The following MDN1 variants were observed in gnomAD, a reference collection of about 807,000 sequenced individuals.
MDN1 encodes midasin AAA ATPase 1, also known as midasin.
A neutral mutation model predicts 669.2 loss-of-function variants in MDN1; 266 were observed. The ratio of observed to expected loss-of-function variants is 0.40; its 90% CI spans 0.36 to 0.44. MDN1 has a LOEUF of 0.44. Among genes scored for constraint, MDN1 ranks in the 20% least tolerant of loss-of-function variants. The probability of loss-of-function intolerance (pLI) is 1.00; values close to 1 mark genes in which losing one functional copy is unlikely to be tolerated. For missense variants in MDN1, 5,940 were observed against 6,754.0 expected, an observed-to-expected ratio of 0.88 and a Z score of 4.22; for synonymous variants, 2,385 against 2,457.1, an observed-to-expected ratio of 0.97 and a Z score of 0.87.
intron 58 of MDN1, 95 bp from the exon 59 acceptor site, chr6:89,699,130 A>G (rs1216836249): frequency 4.2e-6 from 5 of 1,179,616 alleles, no homozygotes; most frequent in Non-Finnish European, 5.8e-6. Context: ...TAAAACTGTC[A>G]TAAGTTTAAA....
intron 21 of MDN1, among the ~76,000 whole-genome samples, chr6:89,753,857 T>C (rs1004493308): frequency 6.6e-6 from 1 of 151,514 alleles, no homozygotes; most frequent in South Asian, 2.1e-4. Flanking sequence ...GAGACCAGAG[T>C]GGGAACACAG....
At chr6:89,796,926 G>C (rs1203418351) in intron 2 of MDN1, among the ~76,000 whole-genome samples, 1 of 152,022 alleles carries the variant, frequency 6.6e-6, no homozygotes. Context: ...AAATTAGCCA[G>C]GCGTGGTTAT....
At chr6:89,674,771 C>T (rs1353280773) in intron 78 of MDN1, among the ~76,000 whole-genome samples, 182 bp from the exon 79 acceptor site, 1 of 152,174 alleles carries the variant, frequency 6.6e-6, no homozygotes, top group Non-Finnish European at 1.5e-5. Flanking sequence ...TTAAACCCAT[C>T]CCTCAGTCTT....
At chr6:89,724,930 A>G (rs926599936) in intron 38 of MDN1, among the ~76,000 whole-genome samples, 1 of 152,212 alleles carries the variant, frequency 6.6e-6, no homozygotes, top group Non-Finnish European at 1.5e-5. Context: ...ATTGGACTTC[A>G]TCCCAGAGTG....
chr6:89,644,309 A>G (rs1808338358), intron 101 of MDN1, 116 bp from the exon 102 acceptor site: 2 of 786,790 alleles, frequency 2.5e-6, no homozygotes, highest in Non-Finnish European at 3.9e-6. Context: ...ATTCCTGCAT[A>G]TGAACCTACC....
intron 1 of MDN1, among the ~76,000 whole-genome samples, chr6:89,814,140 C>G (rs1768647278): frequency 6.6e-6 from 1 of 152,094 alleles, no homozygotes; most frequent in Non-Finnish European, 1.5e-5. Flanking sequence ...GTGAATCCTT[C>G]TCCATTCAGT....
rs370483292 is a variant in MDN1 at position 89,819,540 on chromosome 6, C to T, written c.68G>A (p.Ser23Asn). The change falls in exon 1 of 102, where the codon AGC (serine) becomes AAC (asparagine). Residue 23 changes from serine (S) to asparagine (N), a missense_variant. Ser to Asn is a conservative substitution (Grantham distance 46). Transcript: ENST00000369393. ...LRLIAAKNEK[S>N]RSELGRFLAK... Reference sequence around the variant, plus strand: ...CAAGAACCTGCCCAACTCACTGCGGCTCTTCTCGTTCTTGGCTGCGATTAA... The same window carrying T: ...CAAGAACCTGCCCAACTCACTGCGGTTCTTCTCGTTCTTGGCTGCGATTAA... The T allele has an allele frequency of 1.1e-5, 17 of 1,605,672 alleles. No individual in the cohort carries two copies. Among genetic ancestry groups the T allele is most frequent in the Admixed American group, 8.3e-5 (5 of 60,004 alleles).
chr6:89,819,778 C>T lies in MDN1; in HGVS notation c.-171G>A, dbSNP rs1769140189. ...GGGGCACCACACGTGGGTGAGCACA[C>T]GGCGTTTGACGTCATCAGCTCGGGA... is the stretch of plus-strand genomic sequence containing the variant. On this transcript the variant is annotated 5_prime_UTR_variant, in exon 1 of 102. In the 5' UTR this introduces an upstream ATG that the reference lacks. Transcript: ENST00000369393. The T allele has an allele frequency of 3.3e-6, 2 of 598,840 alleles. No homozygotes were observed. The highest frequency in any genetic ancestry group is 5.8e-5 in the Admixed American group (2 of 34,290). The allele number at this position is 598,840 out of a possible 1,614,324, so 37.1% of individuals were successfully genotyped here. A position where few individuals can be genotyped will look rare whatever the true frequency, so the allele number is the denominator to read the frequency against.
At chr6:89,815,048 T>G in intron 1 of MDN1, 1 of 496,726 alleles carries the variant, frequency 2.0e-6, no homozygotes, top group Non-Finnish European at 3.8e-6. Context: ...AAGAAAGGGG[T>G]ACAAAAGGGA....
At chr6:89,724,043 T>A (rs529998446) in intron 38 of MDN1, among the ~76,000 whole-genome samples, 46 of 151,946 alleles carry the variant, frequency 3.0e-4, no homozygotes, top group Non-Finnish European at 4.6e-4. Context: ...CTCAGGAGGC[T>A]GAGGCAGGAG....
intron 9 of MDN1, among the ~76,000 whole-genome samples, chr6:89,784,410 T>C (rs1212601246): frequency 6.6e-6 from 1 of 152,214 alleles, no homozygotes; most frequent in Non-Finnish European, 1.5e-5. Flanking sequence ...AAAGCATCTC[T>C]TCCATGTCTG....
Position 89,743,631 on chromosome 6 carries a change from T to G in MDN1, c.4262A>C (p.Glu1421Ala), listed in dbSNP as rs766551857. 1.1e-5 allele frequency: 18 copies of G among 1,614,148 alleles called. No homozygotes were observed. Among genetic ancestry groups the G allele is most frequent in the Non-Finnish European group, 1.5e-5 (18 of 1,179,972 alleles). The change falls in exon 30 of 102, where the codon GAG becomes GCG. Residue 1421 changes from glutamate (E) to alanine (A), a missense_variant. Physicochemically the swap from Glu to Ala is moderately radical, Grantham distance 107. Around this residue, in one of 5 missense-constraint regions of MDN1, gnomAD observed 2,292 missense variants for 2,638.3 expected, o/e 0.87. Coordinates refer to ENST00000369393, the MANE Select transcript of MDN1 (RefSeq NM_014611.3). ...CAGGCCACCCAGGAAGTCTGATGTCTCCATGTGTAAGTGGCAGCTGACAGA... is the reference window on the plus strand; with the variant it reads ...CAGGCCACCCAGGAAGTCTGATGTCGCCATGTGTAAGTGGCAGCTGACAGA... ...LYSVSCHLHMETSDFLGGLRP... is the reference protein window; with the variant it reads ...LYSVSCHLHMATSDFLGGLRP...
Position 89,743,725 on chromosome 6 carries a change from T to C in MDN1, c.4179-11A>G, listed in dbSNP as rs1816418707. On this transcript the variant is annotated splice_polypyrimidine_tract_variant and intron_variant, in intron 29 of 101. Transcript: ENST00000369393. ...GTAGTTTTCCCACACCTGTTAGAGA[T>C]GTGCAACTGATTAACAAGGCATGTG... 2 of 1,611,740 alleles carry C rather than the reference T, an allele frequency of 1.2e-6. No homozygotes were observed. The highest frequency in any genetic ancestry group is 1.3e-5 in the African/African-American group (1 of 74,770).
At chr6:89,669,531 T>C (rs1810487644) in intron 83 of MDN1, among the ~76,000 whole-genome samples, 1 of 152,292 alleles carries the variant, frequency 6.6e-6, no homozygotes, top group South Asian at 2.1e-4. Flanking sequence ...CTTAATTGTT[T>C]ATAAGAAATC....
chr6:89,701,930 G>A lies in MDN1; in HGVS notation c.8280C>T (p.Pro2760=), dbSNP rs1813187798. ...WVLKHLVHQI[P]RLLMNYEDKY... is the part of the protein sequence containing the mutation. ...TGTCTTCATAATTCATCAGAAGTCGGGGGATCTGGTGGACCAGATGTTTTA... is the reference window on the plus strand; with the variant it reads ...TGTCTTCATAATTCATCAGAAGTCGAGGGATCTGGTGGACCAGATGTTTTA... The change falls in exon 54 of 102, where the codon CCC becomes CCT. Residue 2760 remains proline (P), a synonymous_variant. Transcript: ENST00000369393. The A allele has an allele frequency of 1.9e-6, 3 of 1,613,162 alleles. No individual in the cohort carries two copies. Among genetic ancestry groups the A allele is most frequent in the African/African-American group, 1.3e-5 (1 of 74,812 alleles).
chr6:89,652,082 G>A, intron 95 of MDN1, 110 bp downstream of exon 95: 1 of 774,120 alleles, frequency 1.3e-6, no homozygotes, highest in East Asian at 2.5e-5. Context: ...CCATATGCCT[G>A]GTCCTTTTTG....
intron 18 of MDN1, 69 bp from the exon 19 acceptor site, chr6:89,758,420 G>A: frequency 7.6e-7 from 1 of 1,320,772 alleles, no homozygotes; most frequent in South Asian, 1.3e-5. Flanking sequence ...CCCAGGCCCA[G>A]CCAGCCTGAT....
rs11407843 is a variant in MDN1 at position 89,750,916 on chromosome 6, G to GTT, written c.3228-386_3228-385dup. Among the ~76,000 whole-genome samples, 680 of 148,646 alleles carry GTT rather than the reference G, an allele frequency of 4.6e-3. 2 individuals are homozygous for GTT. The highest frequency in any genetic ancestry group is 7.0e-3 in the Middle Eastern group (2 of 286). On this transcript the variant is annotated intron_variant, in intron 23 of 101. Transcript: ENST00000369393. ...CTGCACCTGGCCAAGTATTATTTTGGTTTTTTTTTTTTAAAAGAATGACGA... is the reference window on the plus strand; with the variant it reads ...CTGCACCTGGCCAAGTATTATTTTGGTTTTTTTTTTTTTTAAAAGAATGACGA...
At chr6:89,677,532 T>G (rs1209027957) in intron 76 of MDN1, 38 bp downstream of exon 76, 2 of 1,610,850 alleles carry the variant, frequency 1.2e-6, no homozygotes, top group Non-Finnish European at 8.5e-7. Flanking sequence ...CTTGCTCCAT[T>G]TATAAGTAGG....
Sources: gnomAD v4.1 joint callset for allele counts (sites outside exome capture counted in the v4.1 genomes callset) on GRCh38, gnomAD v4.1.1 for gene constraint, gnomAD v4.1.1 regional missense constraint, MANE v1.5 for transcripts, NCBI Gene and HGNC (gene_info 2026-07-23, HGNC 2026-07-21) for gene names.